HSF2BP: variants seen among roughly 807,000 people sequenced by gnomAD.
The protein encoded by HSF2BP is heat shock factor 2-binding protein.
In HSF2BP, 35 loss-of-function variants were observed where a neutral mutation model predicts 35.0. The observed-to-expected ratio is 1.00, with a 90% confidence interval of 0.76 to 1.32. The LOEUF (loss-of-function observed/expected upper bound fraction) is 1.32, where lower values mean the gene tolerates loss of function less well. Ranked by LOEUF, HSF2BP falls within the 40% of genes most tolerant of loss-of-function variation. The pLI is 0.00. For synonymous variants in HSF2BP, 114 were observed against 117.4 expected (o/e 0.97, Z 0.18); for missense variants, 326 against 321.7 (o/e 1.01, Z -0.10).
chr21:43,621,391 G>A (rs1369823120), intron 6 of HSF2BP, among the ~76,000 whole-genome samples: 1 of 152,130 alleles, frequency 6.6e-6, no homozygotes, highest in Non-Finnish European at 1.5e-5. Context: ...GCCAGGCGTG[G>A]TGGCACATGC....
At chr21:43,652,400 CAAAAAAAAAA>C (rs35714746) in intron 3 of HSF2BP, among the ~76,000 whole-genome samples, 1 of 89,360 alleles carries the variant, frequency 1.1e-5, no homozygotes, top group Non-Finnish European at 2.3e-5. Flanking sequence ...CAGACACCAT[CAAAAAAAAAA>C]AAAAAAAAAA....
At chr21:43,577,516 G>C (rs1160024557) in intron 8 of HSF2BP, among the ~76,000 whole-genome samples, 1 of 152,148 alleles carries the variant, frequency 6.6e-6, no homozygotes, top group Non-Finnish European at 1.5e-5. Context: ...TATTTTCTCT[G>C]CCTGCCCCAA....
chr21:43,612,389 C>T (rs745457683), intron 7 of HSF2BP, among the ~76,000 whole-genome samples: 1 of 152,160 alleles, frequency 6.6e-6, no homozygotes, highest in East Asian at 1.9e-4. Context: ...CAGGGGCTCA[C>T]GCCTGTAATC....
chr21:43,592,178 A>G (rs747948307), intron 8 of HSF2BP, 47 bp downstream of exon 8: 37 of 1,257,720 alleles, frequency 2.9e-5, no homozygotes, highest in Non-Finnish European at 4.3e-5. Context: ...AGGGAGGACT[A>G]CTGCATAACC....
At chr21:43,623,270 T>A (rs1271011531) in intron 6 of HSF2BP, among the ~76,000 whole-genome samples, 1 of 151,912 alleles carries the variant, frequency 6.6e-6, no homozygotes, top group East Asian at 1.9e-4. Context: ...CAAATGAAAA[T>A]GGAAAAACAA....
chr21:43,595,759 T>TTTTTTTTTG, intron 7 of HSF2BP, among the ~76,000 whole-genome samples: 1 of 129,918 alleles, frequency 7.7e-6, no homozygotes, highest in African/African-American at 3.6e-5. Context: ...TTTTTTTTTT[T>TTTTTTTTTG]GTGAAACAGA....
chr21:43,617,993 T>C (rs1250320707), intron 6 of HSF2BP, among the ~76,000 whole-genome samples: 1 of 151,856 alleles, frequency 6.6e-6, no homozygotes, highest in East Asian at 1.9e-4. Flanking sequence ...GCATAGTGGC[T>C]CACACCTATA....
chr21:43,610,089 A>C (rs931407565), intron 7 of HSF2BP: 1 of 152,410 alleles, frequency 6.6e-6, no homozygotes, highest in African/African-American at 2.4e-5. Flanking sequence ...GAGGCAATGG[A>C]TTAGTATCCA....
Position 43,658,085 on chromosome 21 carries a change from C to G in HSF2BP, c.12G>C (p.Ala4=). MGE[A]GAAEEACRHM... ...CCCGGCAGGCCTCCTCAGCGGCGCC[C>G]GCTTCGCCCATGGCCGCTGCCGCCT... The change falls in exon 2 of 9, where the codon GCG becomes GCC. Residue 4 remains alanine, a synonymous_variant. Transcript: ENST00000291560. The G allele has an allele frequency of 6.5e-7, 1 of 1,535,252 alleles. No individual in the cohort carries two copies. Among genetic ancestry groups the G allele is most frequent in the Non-Finnish European group, 8.7e-7 (1 of 1,145,888 alleles).
At chr21:43,613,719 A>G (rs1166224634) in intron 7 of HSF2BP, 111 bp downstream of exon 7, 3 of 759,204 alleles carry the variant, frequency 4.0e-6, no homozygotes, top group Non-Finnish European at 6.8e-6. Flanking sequence ...TATTTCTTCT[A>G]GTTTTTAAAA....
intron 8 of HSF2BP, among the ~76,000 whole-genome samples, chr21:43,581,629 T>C (rs1460976313): frequency 1.3e-5 from 2 of 152,038 alleles, no homozygotes; most frequent in African/African-American, 4.8e-5. Context: ...TAGAGTCACA[T>C]CCAATAGTTT....
chr21:43,608,162 T>A (rs1238164290), intron 7 of HSF2BP, among the ~76,000 whole-genome samples: 1 of 151,910 alleles, frequency 6.6e-6, no homozygotes, highest in East Asian at 1.9e-4. Context: ...ACAGACAACC[T>A]ACAGAATGGG....
chr21:43,648,251 C>T (rs1045872439), intron 3 of HSF2BP, among the ~76,000 whole-genome samples: 1 of 152,160 alleles, frequency 6.6e-6, no homozygotes, highest in African/African-American at 2.4e-5. Flanking sequence ...GCTCCCTCGT[C>T]CTATGGCTTC....
In HSF2BP at chr21:43,576,072, C is replaced by T. The variant is rs371093663; in HGVS notation, c.796+16153G>A. Reference sequence around the variant, plus strand: ...GGCAGAGGTTGCAGTAAGCCAAGATCGCGCAACTGCACGCCAGCCTGGATG... The same window carrying T: ...GGCAGAGGTTGCAGTAAGCCAAGATTGCGCAACTGCACGCCAGCCTGGATG... On this transcript the variant is annotated intron_variant, in intron 8 of 8. Coordinates refer to ENST00000291560, the MANE Select transcript of HSF2BP (RefSeq NM_007031.2). 3.9e-4 allele frequency among the ~76,000 whole-genome samples: 58 copies of T among 148,808 alleles called. No homozygotes were observed. In the East Asian group the frequency reaches 4.9e-3, roughly 13 times the overall value.
At position 43,588,480 on chromosome 21, in the gene HSF2BP, G is replaced by A. The variant is rs567671591; in HGVS notation, c.796+3745C>T. ...GTCCTGTAGCGTTGTTGGGAAACAGGGTCTGGAGCCAGGCGGTCGGGGTCT... is the reference window on the plus strand; with the variant it reads ...GTCCTGTAGCGTTGTTGGGAAACAGAGTCTGGAGCCAGGCGGTCGGGGTCT... On this transcript the variant is annotated intron_variant, in intron 8 of 8. Transcript: ENST00000291560. Among the ~76,000 whole-genome samples the A allele has an allele frequency of 1.2e-4, 18 of 151,724 alleles. 1 individual carries two copies. The South Asian group carries it at 3.8e-3, about 32-fold the overall frequency.
chr21:43,586,003 G>C (rs568183540), intron 8 of HSF2BP, among the ~76,000 whole-genome samples: 11 of 152,312 alleles, frequency 7.2e-5, no homozygotes, highest in African/African-American at 2.6e-4. Context: ...TGGAGAACCT[G>C]ATCAATGCTT....
intron 8 of HSF2BP, among the ~76,000 whole-genome samples, chr21:43,583,831 A>G (rs2081804007): frequency 8.4e-6 from 1 of 118,376 alleles, no homozygotes; most frequent in African/African-American, 3.4e-5. Flanking sequence ...CTGCTGAGGG[A>G]GATGAGGACC....
At chr21:43,587,679 A>T (rs2081871631) in intron 8 of HSF2BP, among the ~76,000 whole-genome samples, 1 of 151,196 alleles carries the variant, frequency 6.6e-6, no homozygotes, top group South Asian at 2.1e-4. Flanking sequence ...AAAAAAAAAA[A>T]AAAAAAAGGA....
chr21:43,629,744 G>A (rs187172295), intron 6 of HSF2BP, among the ~76,000 whole-genome samples: 18 of 152,176 alleles, frequency 1.2e-4, no homozygotes, highest in African/African-American at 3.9e-4. Context: ...TCTTGAGATG[G>A]AATCTACTCT....
Sources: allele counts gnomAD v4.1 joint callset (sites outside exome capture counted in the v4.1 genomes callset), GRCh38; gene constraint gnomAD v4.1.1; transcripts MANE v1.5; gene names NCBI Gene and HGNC (gene_info 2026-07-23, HGNC 2026-07-21).